GRM1: variants seen among roughly 807,000 people sequenced by gnomAD.
GRM1 encodes glutamate metabotropic receptor 1.
In GRM1, 33 loss-of-function variants were observed where a neutral mutation model predicts 90.9. The observed-to-expected ratio is 0.36, with a 90% CI of 0.28 to 0.49. The LOEUF is 0.49. Ranked by LOEUF, GRM1 falls within the 20% of genes least tolerant of loss-of-function variation. The pLI, the probability that GRM1 is intolerant of heterozygous loss-of-function variation, is 0.99. For synonymous variants in GRM1, 700 were observed against 613.2 expected (o/e 1.14, Z -2.09); for missense variants, 1,190 against 1,534.3 (o/e 0.78, Z 3.75).
chr6:146,136,627 A>AT (rs890890225), intron 1 of GRM1, among the ~76,000 whole-genome samples: 5 of 151,858 alleles, frequency 3.3e-5, no homozygotes, highest in Admixed American at 6.6e-5. Context: ...GGACTATTAG[A>AT]TTTTTTTCCT....
At chr6:146,055,526 T>C (rs1312263483) in intron 1 of GRM1, among the ~76,000 whole-genome samples, 1 of 152,160 alleles carries the variant, frequency 6.6e-6, no homozygotes, top group Non-Finnish European at 1.5e-5. Context: ...TTTATTATTC[T>C]TTCTTTTATA....
chr6:146,219,959 G>T (rs1026899131), intron 2 of GRM1, among the ~76,000 whole-genome samples: 13 of 151,924 alleles, frequency 8.6e-5, no homozygotes, highest in Non-Finnish European at 1.9e-4. Context: ...ATATGGGAGT[G>T]TATAAGCTTA....
At chr6:146,190,693 A>G (rs140169690) in intron 2 of GRM1, among the ~76,000 whole-genome samples, 2 of 152,288 alleles carry the variant, frequency 1.3e-5, no homozygotes, top group Non-Finnish European at 2.9e-5. Flanking sequence ...TTACCTCTTC[A>G]ATGGTTTTTT....
At chr6:146,308,663 A>G (rs1783666196) in intron 3 of GRM1, among the ~76,000 whole-genome samples, 1 of 152,156 alleles carries the variant, frequency 6.6e-6, no homozygotes, top group Non-Finnish European at 1.5e-5. Context: ...ATACGTGCTT[A>G]ATATGCTATT....
At chr6:146,119,592 T>A (rs1775901831) in intron 1 of GRM1, among the ~76,000 whole-genome samples, 1 of 152,230 alleles carries the variant, frequency 6.6e-6, no homozygotes, top group Admixed American at 6.5e-5. Flanking sequence ...TTTAAATCTT[T>A]AATCCATCTT....
intron 2 of GRM1, among the ~76,000 whole-genome samples, chr6:146,223,998 GA>G (rs1266782759): frequency 2.0e-5 from 3 of 152,020 alleles, no homozygotes; most frequent in East Asian, 1.9e-4. Flanking sequence ...TTTAAGGGTG[GA>G]AAAAAACCCA....
chr6:146,095,618 C>T (rs369090787), intron 1 of GRM1, among the ~76,000 whole-genome samples: 1 of 152,130 alleles, frequency 6.6e-6, no homozygotes, highest in Non-Finnish European at 1.5e-5. Context: ...TCATGTTCCT[C>T]TCTCATCCCT....
chr6:146,203,345 G>A (rs1009630437), intron 2 of GRM1, among the ~76,000 whole-genome samples: 2 of 152,042 alleles, frequency 1.3e-5, no homozygotes, highest in Admixed American at 1.3e-4. Flanking sequence ...CCCTCTGTCG[G>A]GGGTTCATCT....
chr6:146,131,780 G>A (rs1291575878), intron 1 of GRM1, among the ~76,000 whole-genome samples: 1 of 152,160 alleles, frequency 6.6e-6, no homozygotes, highest in African/African-American at 2.4e-5. Flanking sequence ...AGTGTGGTAT[G>A]CAGGCATCAA....
intron 2 of GRM1, among the ~76,000 whole-genome samples, chr6:146,202,122 A>G (rs1179917793): frequency 1.3e-5 from 2 of 152,220 alleles, no homozygotes; most frequent in Non-Finnish European, 2.9e-5. Flanking sequence ...CCATAAATAT[A>G]TATTATTTCC....
intron 1 of GRM1, among the ~76,000 whole-genome samples, chr6:146,084,674 G>T (rs1425081807): frequency 1.3e-5 from 2 of 152,158 alleles, no homozygotes; most frequent in African/African-American, 4.8e-5. Context: ...GTCAATTTTA[G>T]AATAAGTGCC....
At chr6:146,063,291 G>A (rs1332806805) in intron 1 of GRM1, among the ~76,000 whole-genome samples, 4 of 152,176 alleles carry the variant, frequency 2.6e-5, no homozygotes, top group Non-Finnish European at 1.5e-5. Context: ...TTTGAAATGG[G>A]TTAACAGAAC....
At chr6:146,256,035 C>T (rs1480847552) in intron 2 of GRM1, among the ~76,000 whole-genome samples, 1 of 152,100 alleles carries the variant, frequency 6.6e-6, no homozygotes, top group Admixed American at 6.6e-5. Context: ...CTCTGCTGAC[C>T]AACCTTCTTT....
At chr6:146,389,885 T>C (rs917810316) in intron 6 of GRM1, among the ~76,000 whole-genome samples, 6 of 152,118 alleles carry the variant, frequency 3.9e-5, no homozygotes, top group African/African-American at 9.7e-5. Flanking sequence ...GGAAATCCCA[T>C]TTACCACTTG....
At chr6:146,056,939 A>C (rs1468785188) in intron 1 of GRM1, among the ~76,000 whole-genome samples, 1 of 152,162 alleles carries the variant, frequency 6.6e-6, no homozygotes, top group South Asian at 2.1e-4. Flanking sequence ...CTCTCACCAG[A>C]AGAACTGTGA....
Position 146,429,558 on chromosome 6 carries a change from G to C in GRM1, c.2661-4314G>C, listed in dbSNP as rs75799975. The stretch of plus-strand genomic sequence containing the variant: ...CTTCTCAAGCTGCACTAGGGTACCA[G>C]AGGGCTGACGAATGTGAAGTTGAAA... On this transcript the variant is annotated intron_variant, in intron 7 of 7. Coordinates refer to ENST00000282753, the MANE Select transcript of GRM1 (RefSeq NM_001278064.2). 5.5e-3 allele frequency among the ~76,000 whole-genome samples: 841 copies of C among 152,274 alleles called. 8 individuals carry two copies. The highest frequency in any genetic ancestry group is 0.019 in the African/African-American group (781 of 41,540).
At chr6:146,356,473 T>G (rs999413627) in intron 4 of GRM1, among the ~76,000 whole-genome samples, 1 of 152,234 alleles carries the variant, frequency 6.6e-6, no homozygotes, top group South Asian at 2.1e-4. Flanking sequence ...TCATGAGAAC[T>G]TTGTCCTCAT....
chr6:146,311,862 T>G (rs1783784871), intron 3 of GRM1, among the ~76,000 whole-genome samples: 1 of 152,204 alleles, frequency 6.6e-6, no homozygotes, highest in South Asian at 2.1e-4. Flanking sequence ...CATATGATTT[T>G]TCCTGCTCTA....
chr6:146,411,353 A>G (rs758672885), intron 7 of GRM1, among the ~76,000 whole-genome samples: 9 of 152,302 alleles, frequency 5.9e-5, no homozygotes, highest in Non-Finnish European at 1.2e-4. Flanking sequence ...CTCACAGATG[A>G]TGGAAATGAA....
Sources: allele counts gnomAD v4.1 joint callset (sites outside exome capture counted in the v4.1 genomes callset), GRCh38; gene constraint gnomAD v4.1.1; transcripts MANE v1.5; gene names NCBI Gene and HGNC (gene_info 2026-07-23, HGNC 2026-07-21).